The following KCNIP1 variants were observed in gnomAD, a reference collection of about 807,000 sequenced individuals.
The protein encoded by KCNIP1 is A-type potassium channel modulatory protein KCNIP1.
Under a neutral mutation model 33.0 loss-of-function variants are expected in KCNIP1, and 18 were observed. The observed-to-expected ratio is 0.55, with a 90% CI of 0.38 to 0.81. The LOEUF (loss-of-function observed/expected upper bound fraction) is 0.81. KCNIP1 is among the 30% of genes least tolerant of loss of function. The pLI, the probability that KCNIP1 is intolerant of heterozygous loss-of-function variation, is 0.00. For synonymous variants in KCNIP1, 93 were observed against 98.3 expected, an observed-to-expected ratio of 0.95 and a Z score of 0.32; for missense variants, 238 against 271.6, an observed-to-expected ratio of 0.88 and a Z score of 0.87.
chr5:170,642,466 T>C (rs999630593), intron 1 of KCNIP1, among the ~76,000 whole-genome samples: 1 of 152,178 alleles, frequency 6.6e-6, no homozygotes, highest in African/African-American at 2.4e-5. Flanking sequence ...ACACAATCAT[T>C]AGAGGGTCTC....
At chr5:170,660,449 C>G (rs1761435575) in intron 1 of KCNIP1, among the ~76,000 whole-genome samples, 1 of 151,766 alleles carries the variant, frequency 6.6e-6, no homozygotes, top group Admixed American at 6.6e-5. Context: ...GAGCATAACA[C>G]TTTTTTTGAT....
At chr5:170,512,690 G>T (rs1177820232) in intron 1 of KCNIP1, among the ~76,000 whole-genome samples, 1 of 152,172 alleles carries the variant, frequency 6.6e-6, no homozygotes, top group Non-Finnish European at 1.5e-5. Flanking sequence ...TACTATCTGG[G>T]TCTACTCCAC....
chr5:170,504,853 C>G lies in KCNIP1; in HGVS notation c.61+220C>G, dbSNP rs1339520122. 1.3e-5 allele frequency among the ~76,000 whole-genome samples: 2 copies of G among 152,192 alleles called. No homozygotes were observed. Among genetic ancestry groups the G allele is most frequent in the Non-Finnish European group, 2.9e-5 (2 of 68,034 alleles). ...GTCTGCCCCAGCGGCAACTGGACCC[C>G]TCTGGGGCACCAGGTGTCGGGACTC... On this transcript the variant is annotated intron_variant, in intron 1 of 7. Coordinates refer to ENST00000328939, the MANE Select transcript of KCNIP1 (RefSeq NM_014592.4). This position sits in a 1 kb window ranked among gnomAD's most constrained non-coding sequence, Gnocchi z 6.0.
intron 1 of KCNIP1, among the ~76,000 whole-genome samples, chr5:170,386,366 G>A (rs1331565363): frequency 6.6e-6 from 1 of 152,160 alleles, no homozygotes; most frequent in East Asian, 1.9e-4. Flanking sequence ...CATCCCCCAC[G>A]GCCACTGCAG....
At chr5:170,711,837 G>T (rs1335480243) in intron 1 of KCNIP1, among the ~76,000 whole-genome samples, 2 of 114,604 alleles carry the variant, frequency 1.7e-5, no homozygotes, top group Non-Finnish European at 3.6e-5. Context: ...GGAAATGAGT[G>T]AAAACACTCC....
chr5:170,392,231 C>T (rs1225863904), intron 1 of KCNIP1, among the ~76,000 whole-genome samples: 1 of 152,160 alleles, frequency 6.6e-6, no homozygotes, highest in Non-Finnish European at 1.5e-5. Context: ...CAGACAGTTC[C>T]AGCCCCCAGC....
intron 1 of KCNIP1, among the ~76,000 whole-genome samples, chr5:170,590,815 G>A (rs1758221254): frequency 6.6e-6 from 1 of 152,224 alleles, no homozygotes; most frequent in African/African-American, 2.4e-5. Context: ...GCAGCTCAGA[G>A]TGGATGGGCA....
At chr5:170,636,546 T>C (rs1760289663) in intron 1 of KCNIP1, among the ~76,000 whole-genome samples, 1 of 152,086 alleles carries the variant, frequency 6.6e-6, no homozygotes, top group Non-Finnish European at 1.5e-5. Flanking sequence ...AGAGACCTCA[T>C]CAATGGCTCA....
chr5:170,670,183 G>A (rs559093007), intron 1 of KCNIP1, among the ~76,000 whole-genome samples: 5 of 152,296 alleles, frequency 3.3e-5, no homozygotes, highest in Admixed American at 6.5e-5. Context: ...GTTCCAGACC[G>A]TCCTCTAATA....
chr5:170,595,872 A>T (rs557177511), intron 1 of KCNIP1, among the ~76,000 whole-genome samples: 4 of 152,164 alleles, frequency 2.6e-5, no homozygotes, highest in Non-Finnish European at 4.4e-5. Context: ...TCATGGTTTT[A>T]GACAATATGT....
intron 1 of KCNIP1, among the ~76,000 whole-genome samples, chr5:170,497,514 A>G (rs1446573978): frequency 6.6e-6 from 1 of 152,184 alleles, no homozygotes; most frequent in Non-Finnish European, 1.5e-5. Flanking sequence ...AAGCATGAGC[A>G]TGTGTTCATG....
intron 1 of KCNIP1, among the ~76,000 whole-genome samples, chr5:170,441,009 G>C (rs1441006677): frequency 1.3e-5 from 2 of 152,144 alleles, no homozygotes; most frequent in Non-Finnish European, 2.9e-5. Flanking sequence ...TCCTTCCCTC[G>C]GTCTGCCGTC....
chr5:170,368,575 T>G (rs1240171237), intron 1 of KCNIP1, among the ~76,000 whole-genome samples: 1 of 152,228 alleles, frequency 6.6e-6, no homozygotes, highest in Non-Finnish European at 1.5e-5. Context: ...AAGTTCTTCT[T>G]GATGCTTCTC....
chr5:170,584,219 A>C (rs984720763), intron 1 of KCNIP1, among the ~76,000 whole-genome samples: 1 of 152,266 alleles, frequency 6.6e-6, no homozygotes, highest in Non-Finnish European at 1.5e-5. Context: ...ACCTGGGAGC[A>C]GCCACGGGAG....
At chr5:170,547,403 G>T (rs533113515) in intron 1 of KCNIP1, among the ~76,000 whole-genome samples, 1 of 152,298 alleles carries the variant, frequency 6.6e-6, no homozygotes, top group Middle Eastern at 3.4e-3. Flanking sequence ...AGGGGTACAT[G>T]TGCAGGATGT....
rs191400590 is a variant in KCNIP1 at position 170,554,353 on chromosome 5, G to A, written c.61+49720G>A. Among the ~76,000 whole-genome samples the A allele has an allele frequency of 2.5e-3, 383 of 152,242 alleles. 2 individuals carry two copies. Among genetic ancestry groups the A allele is most frequent in the Non-Finnish European group, 1.5e-3 (104 of 68,026 alleles). The stretch of plus-strand genomic sequence containing the variant: ...TTTGCATGCCAGCTTATCCGGATTC[G>A]AGACTTGCTCGATGTTTATTTTCTG... On this transcript the variant is annotated intron_variant, in intron 1 of 7. Coordinates refer to ENST00000328939, the MANE Select transcript of KCNIP1 (RefSeq NM_014592.4).
At chr5:170,469,008 G>A (rs1756666883) in intron 1 of KCNIP1, among the ~76,000 whole-genome samples, 1 of 152,160 alleles carries the variant, frequency 6.6e-6, no homozygotes, top group Admixed American at 6.5e-5. Flanking sequence ...GCCCAGAAAT[G>A]TTATTTGCAT....
intron 1 of KCNIP1, among the ~76,000 whole-genome samples, chr5:170,540,215 CAGGAG>C (rs1180523168): frequency 6.6e-6 from 1 of 152,204 alleles, no homozygotes; most frequent in Non-Finnish European, 1.5e-5. Flanking sequence ...GAAACAGACT[CAGGAG>C]CTTTCCTGGG....
At chr5:170,447,175 A>G (rs1024742917) in intron 1 of KCNIP1, among the ~76,000 whole-genome samples, 1 of 152,156 alleles carries the variant, frequency 6.6e-6, no homozygotes, top group African/African-American at 2.4e-5. Flanking sequence ...CATCTGCTGT[A>G]TGCCAGCTGG....
Sources: allele counts gnomAD v4.1 joint callset (sites outside exome capture counted in the v4.1 genomes callset), GRCh38; gene constraint gnomAD v4.1.1; non-coding constraint Gnocchi (gnomAD v3.1); transcripts MANE v1.5; gene names NCBI Gene and HGNC (gene_info 2026-07-23, HGNC 2026-07-21).